SYNE1: variants seen among roughly 807,000 people sequenced by gnomAD.
The protein encoded by SYNE1 is nesprin-1.
In SYNE1, 616 loss-of-function variants were observed where a neutral mutation model predicts 1,111.0. The ratio of observed to expected loss-of-function variants is 0.55; its 90% CI spans 0.52 to 0.59. SYNE1 has a LOEUF of 0.59. SYNE1 is among the 20% of genes least tolerant of loss of function. SYNE1 has a pLI of 0.00. For synonymous variants in SYNE1, 3,855 were observed against 3,825.8 expected, an observed-to-expected ratio of 1.01 and a Z score of -0.28; for missense variants, 10,006 against 10,417.0, an observed-to-expected ratio of 0.96 and a Z score of 1.72.
rs2098669392 is a variant in SYNE1, at chr6:152,453,568, C to A, written c.3027+18G>T. 2 of 1,614,198 alleles carry A rather than the reference C, an allele frequency of 1.2e-6. No homozygotes were observed. The highest frequency in any genetic ancestry group is 1.7e-6 in the Non-Finnish European group (2 of 1,180,028). On this transcript the variant is annotated intron_variant, in intron 25 of 145. Coordinates refer to ENST00000367255, the MANE Select transcript of SYNE1 (RefSeq NM_182961.4). ...CTTCATTGAGGATGCACGGTGTCTC[C>A]GTCCTGTCCTGACTCACCTTCCATT...
At chr6:152,197,723 C>T (rs916196726) in intron 127 of SYNE1, among the ~76,000 whole-genome samples, 1 of 152,038 alleles carries the variant, frequency 6.6e-6, no homozygotes, top group Non-Finnish European at 1.5e-5. Flanking sequence ...GTACTGTAAA[C>T]AGATATGGTG....
At chr6:152,534,173 T>C (rs2099221050) in intron 4 of SYNE1, among the ~76,000 whole-genome samples, 1 of 117,192 alleles carries the variant, frequency 8.5e-6, no homozygotes, top group Non-Finnish European at 1.7e-5. Context: ...AATAAATAAA[T>C]GAATGAATGA....
intron 145 of SYNE1, among the ~76,000 whole-genome samples, chr6:152,123,191 C>T (rs1022875306): frequency 6.6e-6 from 1 of 152,188 alleles, no homozygotes; most frequent in Admixed American, 6.5e-5. Context: ...TTTGCACAGA[C>T]CCATAAAAGC....
At chr6:152,537,175 G>T (rs2099247518) in intron 4 of SYNE1, among the ~76,000 whole-genome samples, 1 of 151,952 alleles carries the variant, frequency 6.6e-6, no homozygotes, top group East Asian at 1.9e-4. Context: ...ATCCCTGAAA[G>T]AAATTATCAG....
chr6:152,504,020 CT>C (rs2099044019), intron 9 of SYNE1, among the ~76,000 whole-genome samples: 1 of 151,838 alleles, frequency 6.6e-6, no homozygotes, highest in Non-Finnish European at 1.5e-5. Flanking sequence ...CTAGGATAGC[CT>C]TGTATTTAGG....
chr6:152,140,511 G>A (rs2058296285), intron 139 of SYNE1, among the ~76,000 whole-genome samples: 1 of 152,104 alleles, frequency 6.6e-6, no homozygotes, highest in East Asian at 1.9e-4. Context: ...TGCCTGATTA[G>A]ATATGTGAGA....
chr6:152,441,014 T>A, intron 32 of SYNE1, 116 bp downstream of exon 32: 2 of 1,264,182 alleles, frequency 1.6e-6, no homozygotes, highest in Admixed American at 3.8e-5. Context: ...CATCAATAAA[T>A]AGTAAGTATT....
Position 152,234,885 on chromosome 6 carries a change from T to A in SYNE1, c.20397-85A>T, listed in dbSNP as rs1227623331. 4 of 1,487,308 alleles carry A rather than the reference T, an allele frequency of 2.7e-6. No homozygotes were observed. The Middle Eastern group carries it at 5.3e-4, about 197-fold the overall frequency. The allele number at this position is 1,487,308 out of a possible 1,614,324, so 92.1% of individuals were successfully genotyped here. A position where few individuals can be genotyped will look rare whatever the true frequency, so the allele number is the denominator to read the frequency against. Reference sequence around the variant, plus strand: ...TACGTTACTCACCAATGCCAACAGTTTTAAAACGAGAGGTCTGAAGATTTA... The same window carrying A: ...TACGTTACTCACCAATGCCAACAGTATTAAAACGAGAGGTCTGAAGATTTA... On this transcript the variant is annotated intron_variant, in intron 110 of 145. Coordinates refer to ENST00000367255, the MANE Select transcript of SYNE1 (RefSeq NM_182961.4).
At chr6:152,304,000 C>G (rs1231541091) in intron 91 of SYNE1, among the ~76,000 whole-genome samples, 1 of 148,786 alleles carries the variant, frequency 6.7e-6, no homozygotes, top group Non-Finnish European at 1.5e-5. Context: ...AACAGTCCAG[C>G]AGAACTCAGC....
intron 3 of SYNE1, among the ~76,000 whole-genome samples, chr6:152,589,030 A>C (rs1398984803): frequency 6.6e-6 from 1 of 151,790 alleles, no homozygotes; most frequent in Non-Finnish European, 1.5e-5. Flanking sequence ...GCTCACTGCA[A>C]CCTCTACCTC....
chr6:152,244,401 A>C, intron 106 of SYNE1, 136 bp downstream of exon 106: 1 of 1,326,060 alleles, frequency 7.5e-7, no homozygotes, highest in Non-Finnish European at 1.1e-6. Context: ...AAATTTTCTA[A>C]GAGTTGCTTG....
chr6:152,339,303 A>T lies in SYNE1; in HGVS notation c.12289T>A (p.Cys4097Ser), dbSNP rs2096481409. The change falls in exon 75 of 146, where the codon TGT becomes AGT. Residue 4097 changes from cysteine to serine, a missense_variant. Cys to Ser is a moderately radical substitution (Grantham distance 112, BLOSUM62 -1). Around this residue, in one of 7 missense-constraint regions of SYNE1, gnomAD observed 4,955 missense variants for 5,017.2 expected, o/e 0.99. Transcript: ENST00000367255. ...TTCACCGAAGCATTTGACAGGTCAC[A>T]CATGGAGCAAAGGAGATCTAGGTAG... ...RTYLDLLCSM[C>S]DLSNASVKTT... The T allele has an allele frequency of 6.2e-7, 1 of 1,614,104 alleles. No individual in the cohort carries two copies. The highest frequency in any genetic ancestry group is 2.2e-5 in the East Asian group (1 of 44,868).
chr6:152,264,971 A>G (rs1019725029), intron 100 of SYNE1, among the ~76,000 whole-genome samples: 4 of 152,088 alleles, frequency 2.6e-5, no homozygotes, highest in Non-Finnish European at 5.9e-5. Context: ...GCATTTTGGG[A>G]GGCCAAGGTG....
intron 130 of SYNE1, among the ~76,000 whole-genome samples, chr6:152,172,149 G>C (rs1052422550): frequency 2.0e-5 from 3 of 152,154 alleles, no homozygotes; most frequent in Non-Finnish European, 4.4e-5. Context: ...TAGATTAGTA[G>C]TTTCCCAGGG....
intron 4 of SYNE1, among the ~76,000 whole-genome samples, chr6:152,530,468 G>GT (rs71017540): frequency 0.051 from 6,985 of 137,364 alleles, 461 homozygotes; most frequent in African/African-American, 0.15. Context: ...TAATTGTATG[G>GT]TTTTTTTTTT....
At chr6:152,168,582 G>A (rs2064272730) in intron 130 of SYNE1, among the ~76,000 whole-genome samples, 1 of 152,216 alleles carries the variant, frequency 6.6e-6, no homozygotes, top group South Asian at 2.1e-4. Context: ...AGTTTGTTAT[G>A]CTGGGAAAGC....
chr6:152,234,753 T>C lies in SYNE1; in HGVS notation c.20444A>G (p.Lys6815Arg), dbSNP rs760570772. The C allele has an allele frequency of 1.4e-5, 22 of 1,614,204 alleles. No homozygotes were observed. The South Asian group carries it at 2.4e-4, about 18-fold the overall frequency. Residue 6815 changes from lysine to arginine, a missense_variant, in exon 111 of 146, where the codon AAA becomes AGA. Lys to Arg is a conservative substitution (Grantham distance 26). Around this residue, in one of 7 missense-constraint regions of SYNE1, gnomAD observed 2,182 missense variants for 2,287.8 expected, o/e 0.95. Coordinates refer to ENST00000367255, the MANE Select transcript of SYNE1 (RefSeq NM_182961.4). ...ADLIHWLQSAKDRLEFWTQQS... is the reference protein window; with the variant it reads ...ADLIHWLQSARDRLEFWTQQS... ...CTGAGTCCAAAATTCTAGCCGGTCT[T>C]TTGCAGATTGTAACCAGTGAATTAG...
intron 105 of SYNE1, among the ~76,000 whole-genome samples, chr6:152,246,381 G>A (rs1325806745): frequency 1.3e-5 from 2 of 151,396 alleles, no homozygotes; most frequent in Admixed American, 1.3e-4. Flanking sequence ...AGATATAAAC[G>A]ATAATGTATT....
rs547883299 is a variant in SYNE1 at position 152,432,796 on chromosome 6, C to A, written c.4461+999G>T. Among the ~76,000 whole-genome samples, 4 of 152,164 alleles carry A rather than the reference C, an allele frequency of 2.6e-5. No homozygotes were observed. In the South Asian group the frequency reaches 8.3e-4, roughly 32 times the overall value. On this transcript the variant is annotated intron_variant, in intron 34 of 145. Transcript: ENST00000367255. The stretch of plus-strand genomic sequence containing the variant: ...TGACAACTTTTAAAAACAATTTTAA[C>A]AATTAAAAATATTTAATGAATATTC...
Sources: gnomAD v4.1 joint callset for allele counts (sites outside exome capture counted in the v4.1 genomes callset) on GRCh38, gnomAD v4.1.1 for gene constraint, gnomAD v4.1.1 regional missense constraint, MANE v1.5 for transcripts, NCBI Gene and HGNC (gene_info 2026-07-23, HGNC 2026-07-21) for gene names.